Variants in ADAMTS19 observed in about 807,000 individuals in gnomAD.
ADAMTS19 encodes the protein ADAM metallopeptidase with thrombospondin type 1 motif 19.
A neutral mutation model predicts 153.3 loss-of-function variants in ADAMTS19; 93 were observed. The ratio of observed to expected loss-of-function variants is 0.61; its 90% CI spans 0.51 to 0.72. The LOEUF (loss-of-function observed/expected upper bound fraction) is 0.72. Ranked by LOEUF, ADAMTS19 falls within the 30% of genes least tolerant of loss-of-function variation. The probability of loss-of-function intolerance (pLI) is 0.00; values close to 1 mark genes in which losing one functional copy is unlikely to be tolerated. For missense variants in ADAMTS19, 1,482 were observed against 1,552.1 expected, an observed-to-expected ratio of 0.95 and a Z score of 0.76; for synonymous variants, 600 against 556.6, an observed-to-expected ratio of 1.08 and a Z score of -1.10.
chr5:129,705,106 A>G (rs919817328), intron 21 of ADAMTS19, among the ~76,000 whole-genome samples: 1 of 151,274 alleles, frequency 6.6e-6, no homozygotes, highest in African/African-American at 2.4e-5. Context: ...AGAAATGTAA[A>G]TATGAATCAA....
intron 3 of ADAMTS19, among the ~76,000 whole-genome samples, chr5:129,522,487 G>C (rs1751859162): frequency 6.6e-6 from 1 of 150,642 alleles, no homozygotes; most frequent in African/African-American, 2.4e-5. Context: ...GCATTGACTT[G>C]TTATATGATA....
At chr5:129,736,979 A>C in intron 22 of ADAMTS19, 88 bp from the exon 23 acceptor site, 2 of 1,316,370 alleles carry the variant, frequency 1.5e-6, no homozygotes, top group Non-Finnish European at 2.0e-6. Context: ...GAGTGTACAA[A>C]ATCCGCCCCA....
At chr5:129,576,269 T>C (rs1754097936) in intron 7 of ADAMTS19, among the ~76,000 whole-genome samples, 1 of 152,068 alleles carries the variant, frequency 6.6e-6, no homozygotes. Context: ...TCTAAACATT[T>C]ACTTGAATCA....
At chr5:129,733,727 T>C (rs6887418) in intron 21 of ADAMTS19, among the ~76,000 whole-genome samples, 2,387 of 152,058 alleles carry the variant, frequency 0.016, 60 homozygotes, top group African/African-American at 0.053. Context: ...TAAACACAAC[T>C]ACTATAGAAA....
intron 14 of ADAMTS19, among the ~76,000 whole-genome samples, chr5:129,656,317 G>A (rs25817): frequency 0.48 from 72,470 of 152,048 alleles, 19,912 homozygotes; most frequent in African/African-American, 0.76. Flanking sequence ...TAGTCTTTCA[G>A]TAAAATTGAA....
At chr5:129,607,344 C>T (rs974303122) in intron 8 of ADAMTS19, among the ~76,000 whole-genome samples, 3 of 152,186 alleles carry the variant, frequency 2.0e-5, no homozygotes, top group African/African-American at 7.2e-5. Flanking sequence ...ATAGCAATCT[C>T]TGTGAAAATA....
chr5:129,527,170 A>G (rs1375889757), intron 4 of ADAMTS19, among the ~76,000 whole-genome samples: 5 of 151,836 alleles, frequency 3.3e-5, no homozygotes, highest in Non-Finnish European at 7.4e-5. Flanking sequence ...TTAATTGTGT[A>G]CTCTGTTGGG....
intron 10 of ADAMTS19, among the ~76,000 whole-genome samples, chr5:129,636,135 G>A (rs1048349364): frequency 2.6e-5 from 4 of 152,208 alleles, no homozygotes; most frequent in Admixed American, 1.3e-4. Context: ...GACCTCAGGT[G>A]ATCCACCTGC....
At chr5:129,543,049 T>G (rs1752712212) in intron 6 of ADAMTS19, among the ~76,000 whole-genome samples, 1 of 110,788 alleles carries the variant, frequency 9.0e-6, no homozygotes, top group Non-Finnish European at 1.9e-5. Context: ...TGTTGTTTTG[T>G]TTTTTTTTTT....
chr5:129,667,442 G>A (rs536076943), intron 16 of ADAMTS19, among the ~76,000 whole-genome samples: 3 of 152,228 alleles, frequency 2.0e-5, no homozygotes, highest in South Asian at 4.1e-4. Flanking sequence ...GCTAAATTCT[G>A]ATCCTCAATA....
At chr5:129,531,503 T>A (rs1752203498) in intron 6 of ADAMTS19, among the ~76,000 whole-genome samples, 1 of 152,048 alleles carries the variant, frequency 6.6e-6, no homozygotes, top group Non-Finnish European at 1.5e-5. Flanking sequence ...TGCATGCCTG[T>A]AGTCCCAGCT....
chr5:129,677,821 C>A (rs981444456), intron 16 of ADAMTS19, among the ~76,000 whole-genome samples: 1 of 151,956 alleles, frequency 6.6e-6, no homozygotes, highest in Non-Finnish European at 1.5e-5. Context: ...TACTTTCCCC[C>A]CCACCCCGCC....
chr5:129,692,931 C>T (rs1050074274), intron 18 of ADAMTS19, among the ~76,000 whole-genome samples: 6 of 152,114 alleles, frequency 3.9e-5, no homozygotes, highest in Non-Finnish European at 7.4e-5. Flanking sequence ...CTATATGGAG[C>T]TCCCATAGAA....
intron 16 of ADAMTS19, among the ~76,000 whole-genome samples, chr5:129,676,851 A>C (rs557054440): frequency 1.8e-4 from 28 of 152,212 alleles, no homozygotes; most frequent in African/African-American, 6.8e-4. Context: ...CATTTTCTGG[A>C]GAATGCTGAA....
chr5:129,701,608 C>CA lies in ADAMTS19; in HGVS notation c.3159+16_3159+17insA. ...GTGGTCTGAGGTGCATACATGCCCC[C>CA]TTTCTTTCCCCATTCCTACTCTGAC... On this transcript the variant is annotated intron_variant, in intron 20 of 22. Coordinates refer to ENST00000274487, the MANE Select transcript of ADAMTS19 (RefSeq NM_133638.6). 1 of 1,612,192 alleles carries CA rather than the reference C, an allele frequency of 6.2e-7. No individual in the cohort carries two copies. Among genetic ancestry groups the CA allele is most frequent in the Non-Finnish European group, 8.5e-7 (1 of 1,178,750 alleles).
rs558862583 is a variant in ADAMTS19 at position 129,461,665 on chromosome 5, C to G, written c.655C>G (p.Pro219Ala). The G allele has an allele frequency of 1.9e-6, 3 of 1,584,292 alleles. No individual in the cohort carries two copies. Among genetic ancestry groups the G allele is most frequent in the South Asian group, 1.1e-5 (1 of 89,154 alleles). Residue 219 changes from proline (P) to alanine (A), a missense_variant, in exon 2 of 23, where the codon CCC becomes GCC. Physicochemically the swap from Pro to Ala is conservative, Grantham distance 27. This residue lies in a region of ADAMTS19 where 866 missense variants were observed against 827.7 expected (regional missense o/e 1.05). Coordinates refer to ENST00000274487, the MANE Select transcript of ADAMTS19 (RefSeq NM_133638.6). The surrounding 1 kb of genome is among the most constrained non-coding windows in gnomAD (Gnocchi z 4.6). ...GGGGGCAGCATCCGCCCCGCAACCT[C>G]CCGCGCCACCAGACGCAGGCTGCTT... The part of the protein sequence containing the change: ...PTGAASAPQP[P>A]APPDAGCFYT...
At chr5:129,724,256 A>C (rs2127205979) in intron 21 of ADAMTS19, among the ~76,000 whole-genome samples, 1 of 152,216 alleles carries the variant, frequency 6.6e-6, no homozygotes, top group African/African-American at 2.4e-5. Flanking sequence ...GTTTTGGAGT[A>C]AATTACTTTG....
intron 10 of ADAMTS19, 113 bp downstream of exon 10, chr5:129,622,461 AAAG>A: frequency 1.7e-6 from 2 of 1,186,288 alleles, no homozygotes; most frequent in Non-Finnish European, 2.3e-6. Flanking sequence ...CCAATATATA[AAAG>A]AAGGATTTTC....
chr5:129,624,354 A>T (rs1013928417), intron 10 of ADAMTS19, among the ~76,000 whole-genome samples: 1 of 152,080 alleles, frequency 6.6e-6, no homozygotes, highest in Admixed American at 6.6e-5. Flanking sequence ...TTCACCTCTG[A>T]GTCTTTAGAC....
Sources: gnomAD v4.1 joint callset for allele counts (sites outside exome capture counted in the v4.1 genomes callset) on GRCh38, gnomAD v4.1.1 for gene constraint, gnomAD v4.1.1 regional missense constraint, Gnocchi (gnomAD v3.1) non-coding constraint, MANE v1.5 for transcripts, NCBI Gene and HGNC (gene_info 2026-07-23, HGNC 2026-07-21) for gene names.